Variants in TSHZ2 observed in about 807,000 individuals in gnomAD.
TSHZ2 encodes the protein teashirt zinc finger homeobox 2, also known as teashirt homolog 2.
TSHZ2 carries 21 observed loss-of-function variants against 74.4 expected under a neutral mutation model. That is an observed-to-expected ratio of 0.28 (90% CI 0.20 to 0.41). The LOEUF is 0.41. Among genes scored for constraint, TSHZ2 ranks in the 10% least tolerant of loss-of-function variants. TSHZ2 has a pLI of 1.00. For synonymous variants in TSHZ2, 540 were observed against 515.3 expected, an observed-to-expected ratio of 1.05 and a Z score of -0.65; for missense variants, 1,244 against 1,293.5, an observed-to-expected ratio of 0.96 and a Z score of 0.59.
chr20:53,435,256 G>A (rs1171938073), intron 2 of TSHZ2, among the ~76,000 whole-genome samples: 1 of 152,164 alleles, frequency 6.6e-6, no homozygotes, highest in Non-Finnish European at 1.5e-5. Context: ...TCTAGAGCAA[G>A]ATGCTAATGG....
intron 2 of TSHZ2, among the ~76,000 whole-genome samples, chr20:53,414,910 A>G (rs535550427): frequency 3.9e-5 from 6 of 152,132 alleles, no homozygotes; most frequent in East Asian, 3.9e-4. Flanking sequence ...TCTGCACCTC[A>G]TTCTTTTTTC....
intron 1 of TSHZ2, among the ~76,000 whole-genome samples, chr20:53,050,288 C>T (rs796704100): frequency 3.3e-4 from 50 of 151,432 alleles, no homozygotes; most frequent in African/African-American, 1.1e-3. Context: ...CTACCGCTGC[C>T]GATTTACTCT....
In TSHZ2 at chr20:53,403,927, TAAATA is replaced by T. The variant is rs1467444040; in HGVS notation, c.*9-83209_*9-83205del. 1.4e-4 allele frequency among the ~76,000 whole-genome samples: 21 copies of T among 152,180 alleles called. 1 individual carries two copies. Among genetic ancestry groups the T allele is most frequent in the Admixed American group, 1.4e-3 (21 of 15,286 alleles). On this transcript the variant is annotated intron_variant, in intron 2 of 2. Transcript: ENST00000371497. ...CAGCCGTGAGCCAAAACGTTATAAT[TAAATA>T]AAATAAACAGATCCTGGGATGAGTC...
At chr20:53,326,811 G>A (rs917384607) in intron 2 of TSHZ2, among the ~76,000 whole-genome samples, 8 of 152,204 alleles carry the variant, frequency 5.3e-5, no homozygotes, top group African/African-American at 1.9e-4. Flanking sequence ...GCAAACCTCT[G>A]TTCACAATTT....
chr20:53,375,723 A>G (rs1981634998), intron 2 of TSHZ2, among the ~76,000 whole-genome samples: 1 of 152,076 alleles, frequency 6.6e-6, no homozygotes, highest in African/African-American at 2.4e-5. Context: ...TTAAATTGCC[A>G]TTTGCCCTTT....
chr20:53,442,438 G>A (rs529878387), intron 2 of TSHZ2, among the ~76,000 whole-genome samples: 10 of 152,106 alleles, frequency 6.6e-5, no homozygotes, highest in African/African-American at 1.2e-4. Context: ...ATAGGTGATC[G>A]ACTGCTGAGC....
intron 1 of TSHZ2, among the ~76,000 whole-genome samples, chr20:53,153,646 T>C (rs940456219): frequency 6.6e-6 from 1 of 152,112 alleles, no homozygotes; most frequent in Non-Finnish European, 1.5e-5. Context: ...ACTAAATGAA[T>C]TGCTCTTCAA....
At chr20:53,066,073 C>T (rs548247023) in intron 1 of TSHZ2, among the ~76,000 whole-genome samples, 1 of 152,152 alleles carries the variant, frequency 6.6e-6, no homozygotes. Flanking sequence ...GTCTCAGGCC[C>T]CTTGCTCAGT....
At chr20:53,299,274 T>C (rs545003315) in intron 2 of TSHZ2, among the ~76,000 whole-genome samples, 1 of 152,334 alleles carries the variant, frequency 6.6e-6, no homozygotes, top group East Asian at 1.9e-4. Context: ...AATTCATCAA[T>C]TAGTTGAAAT....
intron 1 of TSHZ2, among the ~76,000 whole-genome samples, chr20:53,021,849 A>T (rs1352122645): frequency 2.6e-5 from 4 of 151,674 alleles, no homozygotes; most frequent in African/African-American, 4.8e-5. Context: ...TTAAGTAGTA[A>T]TTTTTTTTTA....
intron 2 of TSHZ2, among the ~76,000 whole-genome samples, chr20:53,290,528 T>C (rs900761432): frequency 5.3e-5 from 8 of 152,202 alleles, no homozygotes; most frequent in Non-Finnish European, 7.3e-5. Flanking sequence ...CACTGTTTAT[T>C]GGGGAATAAA....
intron 1 of TSHZ2, among the ~76,000 whole-genome samples, chr20:53,006,517 C>A (rs917933385): frequency 6.6e-6 from 1 of 152,152 alleles, no homozygotes; most frequent in Admixed American, 6.5e-5. Context: ...GTGCTGCAAG[C>A]CCCAGTCCCT....
At chr20:53,077,364 T>C (rs927930997) in intron 1 of TSHZ2, among the ~76,000 whole-genome samples, 1 of 150,320 alleles carries the variant, frequency 6.7e-6, no homozygotes, top group Non-Finnish European at 1.5e-5. Flanking sequence ...TGAGCCAAGA[T>C]TGTGCCACTG....
At chr20:53,296,740 CT>C (rs1043205054) in intron 2 of TSHZ2, among the ~76,000 whole-genome samples, 4 of 152,208 alleles carry the variant, frequency 2.6e-5, no homozygotes, top group Non-Finnish European at 5.9e-5. Context: ...CATCTCTTAT[CT>C]TTTCCCTGTT....
At chr20:53,320,087 C>A (rs944105452) in intron 2 of TSHZ2, among the ~76,000 whole-genome samples, 1 of 152,190 alleles carries the variant, frequency 6.6e-6, no homozygotes. Context: ...ATCATCACTG[C>A]CAACACTGCC....
At chr20:53,182,234 C>CCTTCCTTCTTTCCT (rs1568799240) in intron 1 of TSHZ2, among the ~76,000 whole-genome samples, 1,655 of 146,522 alleles carry the variant, frequency 0.011, 118 homozygotes, top group Admixed American at 0.1. Flanking sequence ...TCTTGACTCC[C>CCTTCCTTCTTTCCT]TCCTTCCTTC....
intron 1 of TSHZ2, among the ~76,000 whole-genome samples, chr20:53,005,005 G>A (rs987404906): frequency 2.5e-4 from 38 of 152,006 alleles, no homozygotes; most frequent in Non-Finnish European, 5.9e-5. Context: ...TCCCTTAACT[G>A]CACTACATAT....
intron 1 of TSHZ2, among the ~76,000 whole-genome samples, chr20:53,022,446 A>G (rs1427860973): frequency 3.3e-5 from 5 of 152,180 alleles, no homozygotes. Flanking sequence ...GTCTATCAAT[A>G]TTTGATCAAA....
At chr20:53,066,436 T>C (rs1454123783) in intron 1 of TSHZ2, among the ~76,000 whole-genome samples, 1 of 150,630 alleles carries the variant, frequency 6.6e-6, no homozygotes, top group Non-Finnish European at 1.5e-5. Flanking sequence ...TAAAGGGAGG[T>C]GAGAAAATGG....
Sources: allele counts gnomAD v4.1 joint callset (sites outside exome capture counted in the v4.1 genomes callset), GRCh38; gene constraint gnomAD v4.1.1; transcripts MANE v1.5; gene names NCBI Gene and HGNC (gene_info 2026-07-23, HGNC 2026-07-21).